Variants in NXPH1 observed in about 807,000 individuals in gnomAD.
The protein encoded by NXPH1 is neurexophilin-1.
NXPH1 carries 5 observed loss-of-function variants against 23.7 expected under a neutral mutation model. The observed-to-expected ratio is 0.21, with a 90% CI of 0.11 to 0.44. The LOEUF is 0.44. NXPH1 is among the 20% of genes least tolerant of loss of function. The pLI, the probability that NXPH1 is intolerant of heterozygous loss-of-function variation, is 0.99. For synonymous variants in NXPH1, 144 were observed against 122.2 expected (o/e 1.18, Z -1.18); for missense variants, 324 against 321.6 (o/e 1.01, Z -0.06).
At chr7:8,711,038 G>C (rs1471796561) in intron 2 of NXPH1, among the ~76,000 whole-genome samples, 1 of 152,146 alleles carries the variant, frequency 6.6e-6, no homozygotes, top group African/African-American at 2.4e-5. Context: ...TTCTGCTATA[G>C]CTCTATCCTC....
At chr7:8,462,117 C>G (rs1454188659) in intron 2 of NXPH1, among the ~76,000 whole-genome samples, 3 of 152,084 alleles carry the variant, frequency 2.0e-5, no homozygotes, top group Non-Finnish European at 4.4e-5. Context: ...GGCGTGATCT[C>G]GGCTCACAGC....
chr7:8,479,429 T>G (rs1157310664), intron 2 of NXPH1, among the ~76,000 whole-genome samples: 1 of 152,138 alleles, frequency 6.6e-6, no homozygotes, highest in Non-Finnish European at 1.5e-5. Flanking sequence ...CAGATGTAAT[T>G]CGGAAAGGGC....
intron 2 of NXPH1, among the ~76,000 whole-genome samples, chr7:8,456,692 T>A (rs1816601224): frequency 6.6e-6 from 1 of 152,212 alleles, no homozygotes; most frequent in Non-Finnish European, 1.5e-5. Flanking sequence ...ATTTTTCTAT[T>A]ATCCATAACT....
intron 2 of NXPH1, among the ~76,000 whole-genome samples, chr7:8,701,224 C>A (rs980700828): frequency 3.3e-5 from 5 of 152,024 alleles, no homozygotes; most frequent in Non-Finnish European, 7.4e-5. Flanking sequence ...AAATGTAATT[C>A]TATAATGGTA....
intron 2 of NXPH1, among the ~76,000 whole-genome samples, chr7:8,464,116 C>T (rs183150936): frequency 5.3e-4 from 80 of 152,210 alleles, no homozygotes; most frequent in African/African-American, 1.9e-3. Flanking sequence ...TCCTTCACTC[C>T]TCACTCTTCC....
At chr7:8,462,790 C>T (rs1394661481) in intron 2 of NXPH1, among the ~76,000 whole-genome samples, 1 of 152,180 alleles carries the variant, frequency 6.6e-6, no homozygotes, top group Non-Finnish European at 1.5e-5. Context: ...TTGCATATTT[C>T]ATTTATCCTT....
At chr7:8,685,646 A>T (rs1821135313) in intron 2 of NXPH1, among the ~76,000 whole-genome samples, 1 of 152,038 alleles carries the variant, frequency 6.6e-6, no homozygotes, top group Non-Finnish European at 1.5e-5. Flanking sequence ...GTTGGATCAT[A>T]TGGTAGCTCA....
intron 2 of NXPH1, among the ~76,000 whole-genome samples, chr7:8,655,994 A>T (rs1267746825): frequency 6.6e-6 from 1 of 152,228 alleles, no homozygotes; most frequent in East Asian, 1.9e-4. Flanking sequence ...ACACTAAACT[A>T]TATGGGGCTA....
At chr7:8,584,520 A>C (rs1818942191) in intron 2 of NXPH1, among the ~76,000 whole-genome samples, 1 of 152,334 alleles carries the variant, frequency 6.6e-6, no homozygotes. Flanking sequence ...TCAAGATCTA[A>C]TAAGCCAAGC....
intron 2 of NXPH1, among the ~76,000 whole-genome samples, chr7:8,586,308 G>C (rs917169944): frequency 6.6e-6 from 1 of 152,056 alleles, no homozygotes; most frequent in African/African-American, 2.4e-5. Context: ...TGTATAAATG[G>C]GTTTGAGAAT....
chr7:8,635,040 A>C (rs1820197072), intron 2 of NXPH1, among the ~76,000 whole-genome samples: 1 of 152,188 alleles, frequency 6.6e-6, no homozygotes, highest in African/African-American at 2.4e-5. Flanking sequence ...AGTTTTGAAC[A>C]ATAGCTATCT....
intron 2 of NXPH1, among the ~76,000 whole-genome samples, chr7:8,494,630 C>T (rs549074291): frequency 2.6e-5 from 4 of 152,014 alleles, no homozygotes; most frequent in Non-Finnish European, 5.9e-5. Context: ...AATACCTTGA[C>T]AATGCCAATA....
At chr7:8,470,485 G>C (rs1444567847) in intron 2 of NXPH1, among the ~76,000 whole-genome samples, 1 of 152,124 alleles carries the variant, frequency 6.6e-6, no homozygotes, top group Admixed American at 6.6e-5. Context: ...TTTGCTTGAA[G>C]CTGAATCACT....
In NXPH1 at chr7:8,526,092, C is replaced by T. The variant is rs190607765; in HGVS notation, c.54+90325C>T. ...AAGCAGCCAGGAGAGAGGCTGTATC[C>T]TGCAAAGCCATGGGGGCAGAGCTGC... On this transcript the variant is annotated intron_variant, in intron 2 of 2. Transcript: ENST00000405863. Among the ~76,000 whole-genome samples the T allele has an allele frequency of 3.5e-3, 530 of 152,302 alleles. 1 individual carries two copies. The highest frequency in any genetic ancestry group is 0.012 in the African/African-American group (501 of 41,574).
chr7:8,553,215 A>C (rs772334257), intron 2 of NXPH1, among the ~76,000 whole-genome samples: 5 of 151,596 alleles, frequency 3.3e-5, no homozygotes, highest in Non-Finnish European at 5.9e-5. Flanking sequence ...GATTAAATGG[A>C]AAATGAATTC....
In NXPH1 at chr7:8,752,627, A is replaced by G. The variant is rs989276889; in HGVS notation, c.*858A>G. 3.3e-5 allele frequency: 5 copies of G among 152,512 alleles called. No homozygotes were observed. Among genetic ancestry groups the G allele is most frequent in the Admixed American group, 2.0e-4 (3 of 15,260 alleles). The allele number at this position is 152,512 out of a possible 1,614,324, so 9.4% of individuals were successfully genotyped here. A position where few individuals can be genotyped will look rare whatever the true frequency, so the allele number is the denominator to read the frequency against. ...TGTCTGTCTTATCTTTACTACACATATTGTAACAAATTCAATATCCTAGTC... is the reference window on the plus strand; with the variant it reads ...TGTCTGTCTTATCTTTACTACACATGTTGTAACAAATTCAATATCCTAGTC... On this transcript the variant is annotated 3_prime_UTR_variant, in exon 3 of 3. Transcript: ENST00000405863.
chr7:8,716,161 T>A (rs1469156534), intron 2 of NXPH1, among the ~76,000 whole-genome samples: 2 of 152,158 alleles, frequency 1.3e-5, no homozygotes, highest in African/African-American at 4.8e-5. Flanking sequence ...AAACTCCTTA[T>A]GGCAGTAAAG....
intron 2 of NXPH1, among the ~76,000 whole-genome samples, chr7:8,527,252 C>T (rs985824651): frequency 2.6e-5 from 4 of 152,208 alleles, no homozygotes; most frequent in Admixed American, 6.5e-5. Flanking sequence ...CACGTAGTGA[C>T]GTGTCGCCTC....
At chr7:8,584,766 C>T (rs75585332) in intron 2 of NXPH1, among the ~76,000 whole-genome samples, 1 of 152,116 alleles carries the variant, frequency 6.6e-6, no homozygotes, top group Non-Finnish European at 1.5e-5. Context: ...ATTTAAACAT[C>T]TAGTAATTTC....
Sources: gnomAD v4.1 joint callset for allele counts (sites outside exome capture counted in the v4.1 genomes callset) on GRCh38, gnomAD v4.1.1 for gene constraint, MANE v1.5 for transcripts, NCBI Gene and HGNC (gene_info 2026-07-23, HGNC 2026-07-21) for gene names.